Variants in KRT39 observed in about 807,000 individuals in gnomAD.
KRT39 encodes the protein keratin, type I cytoskeletal 39.
In KRT39, 47 loss-of-function variants were observed where a neutral mutation model predicts 54.8. That is an observed-to-expected ratio of 0.86 (90% CI 0.68 to 1.09). KRT39 has a LOEUF of 1.09. Ranked by LOEUF, KRT39 falls within the 50% of genes least tolerant of loss-of-function variation. The pLI, the probability that KRT39 is intolerant of heterozygous loss-of-function variation, is 0.00. For synonymous variants in KRT39, 207 were observed against 227.9 expected (o/e 0.91, Z 0.83); for missense variants, 580 against 598.5 (o/e 0.97, Z 0.32).
rs567742198 is a variant in KRT39 at position 40,958,936 on chromosome 17, A to AT, written c.1218-78dup. 1.0e-3 allele frequency: 1,489 copies of AT among 1,418,548 alleles called. 11 individuals are homozygous for AT. In the African/African-American group the frequency reaches 0.02, roughly 19 times the overall value. 87.9% of individuals were successfully genotyped at this position (1,418,548 alleles called of 1,614,324 possible). On this transcript the variant is annotated intron_variant, in intron 6 of 6. Coordinates refer to ENST00000355612, the MANE Select transcript of KRT39 (RefSeq NM_213656.4). ...TCATGGAGAAAAATGATTGTGGCTA[A>AT]TTTTTTTAACACGTGTTGCTCAAGA...
At chr17:40,964,590 C>A in intron 1 of KRT39, 62 bp from the exon 2 acceptor site, 1 of 1,189,702 alleles carries the variant, frequency 8.4e-7, no homozygotes, top group Non-Finnish European at 1.3e-6. Context: ...CTTTAAGAAC[C>A]AAGGGGTTTG....
chr17:40,964,770 T>TTAAAA (rs3067646), intron 1 of KRT39, among the ~76,000 whole-genome samples: 62,412 of 151,794 alleles, frequency 0.41, 15,928 homozygotes, highest in African/African-American at 0.73. Flanking sequence ...GTTGTTGTTG[T>TTAAAA]TAAAAAATCC....
intron 6 of KRT39, among the ~76,000 whole-genome samples, chr17:40,959,097 T>G (rs1246817551): frequency 6.6e-6 from 1 of 152,232 alleles, no homozygotes; most frequent in Non-Finnish European, 1.5e-5. Context: ...CATTAGTCAA[T>G]ACCATCACAT....
chr17:40,961,645 G>A (rs1300009535), intron 5 of KRT39, among the ~76,000 whole-genome samples: 2 of 152,110 alleles, frequency 1.3e-5, no homozygotes, highest in Admixed American at 1.3e-4. Context: ...AAAATAGGTG[G>A]GCTGAAACTT....
intron 1 of KRT39, 67 bp from the exon 2 acceptor site, chr17:40,964,595 G>C (rs1911290119): frequency 9.0e-7 from 1 of 1,106,576 alleles, no homozygotes; most frequent in Non-Finnish European, 1.4e-6. Flanking sequence ...AGAACCAAGG[G>C]GTTTGTGTGT....
intron 2 of KRT39, chr17:40,964,197 G>T (rs961831938): frequency 5.8e-6 from 3 of 521,706 alleles, no homozygotes; most frequent in African/African-American, 3.8e-5. Context: ...CAATATATTA[G>T]TCCTATCTAT....
chr17:40,965,857 G>A (rs1911366083), intron 1 of KRT39, among the ~76,000 whole-genome samples: 3 of 152,156 alleles, frequency 2.0e-5, no homozygotes, highest in African/African-American at 7.2e-5. Flanking sequence ...TGTATTTCTG[G>A]AGAAAGGAAA....
Position 40,966,692 on chromosome 17 carries a change from C to T in KRT39, c.165G>A (p.Trp55Ter). 1 of 1,614,164 alleles carries T rather than the reference C, an allele frequency of 6.2e-7. No homozygotes were observed. Among genetic ancestry groups the T allele is most frequent in the Non-Finnish European group, 8.5e-7 (1 of 1,180,038 alleles). The change falls in exon 1 of 7, where the codon TGG (tryptophan) becomes TGA (stop). Residue 55 changes from tryptophan to a stop codon, truncating the protein, a stop_gained. Coordinates refer to ENST00000355612, the MANE Select transcript of KRT39 (RefSeq NM_213656.4). LOFTEE classifies it high-confidence loss of function. ...GAGGAGTGGGTTGGCAGCCCTGGTC[C>T]CAGGGAATTCTGAGAACGTGGCCAG... ...QPAGHVLRIPWDQGCQPTPRF... is the reference protein window; with the variant it reads ...QPAGHVLRIP
In KRT39 at chr17:40,963,747, C is replaced by T; in HGVS notation, c.588G>A (p.Glu196=). ...EAEVSLRQLV[E]SDANGLKQIL... is the part of the protein sequence containing the mutation. ...TCTGCTTGAGGCCATTGGCATCTGA[C>T]TCTACCAGCTGGCGTAGAGACACCT... Residue 196 remains glutamate, a synonymous_variant, in exon 3 of 7, where the codon GAG becomes GAA. Coordinates refer to ENST00000355612, the MANE Select transcript of KRT39 (RefSeq NM_213656.4). The T allele has an allele frequency of 6.2e-7, 1 of 1,604,674 alleles. No individual in the cohort carries two copies. Among genetic ancestry groups the T allele is most frequent in the Non-Finnish European group, 8.5e-7 (1 of 1,172,590 alleles).
chr17:40,965,065 G>A (rs953227318), intron 1 of KRT39, among the ~76,000 whole-genome samples: 15 of 151,908 alleles, frequency 9.9e-5, no homozygotes, highest in Non-Finnish European at 1.6e-4. Flanking sequence ...TTAGCTGGGC[G>A]TGGTGGCGGG....
rs187021688 is a variant in KRT39 at position 40,965,764 on chromosome 17, G to T, written c.468+625C>A. Among the ~76,000 whole-genome samples the T allele has an allele frequency of 1.6e-4, 24 of 152,254 alleles. No homozygotes were observed. The East Asian group carries it at 4.1e-3, about 26-fold the overall frequency. On this transcript the variant is annotated intron_variant, in intron 1 of 6. Transcript: ENST00000355612. Reference sequence around the variant, plus strand: ...GCAAAATTTATTTTCTCTGATCTCTGTTTCCCTATTTTTATTTAAAAAATG... The same window carrying T: ...GCAAAATTTATTTTCTCTGATCTCTTTTTCCCTATTTTTATTTAAAAAATG...
In KRT39 at chr17:40,958,455, G is replaced by T; in HGVS notation, c.*146C>A. On this transcript the variant is annotated 3_prime_UTR_variant, in exon 7 of 7. Coordinates refer to ENST00000355612, the MANE Select transcript of KRT39 (RefSeq NM_213656.4). ...GAGTTAGGGAAGGAGCAGAATAAAA[G>T]ATATTCTACCTAGCAATGGGGACCC... 1.3e-6 allele frequency: 1 copy of T among 752,470 alleles called. No homozygotes were observed. The allele number at this position is 752,470 out of a possible 1,614,324, so 46.6% of individuals were successfully genotyped here.
At chr17:40,963,230 A>T (rs976240722) in intron 3 of KRT39, among the ~76,000 whole-genome samples, 1 of 152,178 alleles carries the variant, frequency 6.6e-6, no homozygotes, top group Admixed American at 6.5e-5. Context: ...CATAATTCCC[A>T]TGTGTCAAGG....
chr17:40,962,397 CCCACCTGCGTGTTGAA>C lies in KRT39; in HGVS notation c.859_870+4del. Reference sequence around the variant, plus strand: ...TATTGTTTTTGACTTTTCTATATCCCCCACCTGCGTGTTGAACCACTGTTCCACATCTTTGCGGTTT... The same window carrying C: ...TATTGTTTTTGACTTTTCTATATCCCCCACTGTTCCACATCTTTGCGGTTT... On this transcript the variant is annotated splice_donor_variant and splice_donor_region_variant and coding_sequence_variant and intron_variant, in exon 4 of 7. Transcript: ENST00000355612. LOFTEE classifies it high-confidence loss of function. The C allele has an allele frequency of 6.2e-7, 1 of 1,613,928 alleles. No homozygotes were observed. Among genetic ancestry groups the C allele is most frequent in the Non-Finnish European group, 8.5e-7 (1 of 1,179,890 alleles).
At position 40,966,784 on chromosome 17, in the gene KRT39, C is replaced by T. The variant is rs1911420202; in HGVS notation, c.73G>A (p.Val25Ile). ...CCGTTGTTAGAAGAGATGGTACTAA[C>T]ATTTGTAATCCTAGAGCAGTTTTGA... ...PCQNCSRITN[V>I]STISSNNGCH... Residue 25 changes from valine (V) to isoleucine (I), a missense_variant, in exon 1 of 7, where the codon GTT becomes ATT. Val to Ile is a conservative substitution (Grantham distance 29). Coordinates refer to ENST00000355612, the MANE Select transcript of KRT39 (RefSeq NM_213656.4). 1.1e-5 allele frequency: 17 copies of T among 1,614,072 alleles called. No homozygotes were observed. Among genetic ancestry groups the T allele is most frequent in the Non-Finnish European group, 1.4e-5 (17 of 1,180,038 alleles).
chr17:40,966,040 G>A (rs1452467764), intron 1 of KRT39, among the ~76,000 whole-genome samples: 2 of 149,930 alleles, frequency 1.3e-5, no homozygotes, highest in African/African-American at 2.5e-5. Flanking sequence ...GTGCCACCAC[G>A]CCCATCTAAT....
intron 1 of KRT39, among the ~76,000 whole-genome samples, chr17:40,966,078 TGTG>T (rs1911381687): frequency 1.3e-5 from 2 of 151,506 alleles, no homozygotes; most frequent in African/African-American, 4.9e-5. Flanking sequence ...TGTGTGTGTG[TGTG>T]TGTGTGTGTG....
At chr17:40,963,996 C>A in intron 2 of KRT39, 2 of 447,162 alleles carry the variant, frequency 4.5e-6, no homozygotes, top group East Asian at 6.5e-5. Context: ...CATTGCTGTT[C>A]TTTGAGATAT....
At chr17:40,958,967 A>G in intron 6 of KRT39, 108 bp from the exon 7 acceptor site, 1 of 965,052 alleles carries the variant, frequency 1.0e-6, no homozygotes, top group Non-Finnish European at 1.6e-6. Flanking sequence ...CAAGACAAGT[A>G]CATACTTCTA....
Sources: allele counts gnomAD v4.1 joint callset (sites outside exome capture counted in the v4.1 genomes callset), GRCh38; gene constraint gnomAD v4.1.1; transcripts MANE v1.5; gene names NCBI Gene and HGNC (gene_info 2026-07-23, HGNC 2026-07-21).